The following ZNF697 variants were observed in gnomAD, a reference collection of about 807,000 sequenced individuals.
The protein encoded by ZNF697 is zinc finger protein 697.
A neutral mutation model predicts 32.4 loss-of-function variants in ZNF697; 23 were observed. The ratio of observed to expected loss-of-function variants is 0.71; its 90% confidence interval spans 0.51 to 1.01. The LOEUF (loss-of-function observed/expected upper bound fraction) is 1.01. ZNF697 is among the 50% of genes least tolerant of loss of function. ZNF697 has a pLI of 0.00. For synonymous variants in ZNF697, 418 were observed against 337.2 expected (o/e 1.24, Z -2.62); for missense variants, 930 against 794.0 (o/e 1.17, Z -2.06).
intron 1 of ZNF697, among the ~76,000 whole-genome samples, chr1:119,642,274 A>G (rs937258313): frequency 6.6e-6 from 1 of 152,238 alleles, no homozygotes; most frequent in African/African-American, 2.4e-5. Context: ...ACTATTCTGC[A>G]CTATACTATA....
chr1:119,625,692 G>C (rs1648557733), intron 2 of ZNF697, among the ~76,000 whole-genome samples, 183 bp downstream of exon 2: 1 of 152,132 alleles, frequency 6.6e-6, no homozygotes, highest in Non-Finnish European at 1.5e-5. Context: ...ACCTCAGACT[G>C]GGCTGAAAAA....
intron 1 of ZNF697, among the ~76,000 whole-genome samples, chr1:119,627,368 T>G (rs949680621): frequency 6.6e-6 from 1 of 152,180 alleles, no homozygotes; most frequent in African/African-American, 2.4e-5. Context: ...TCAGCCTCAC[T>G]AGAGAGCCCA....
chr1:119,630,062 T>C (rs959416644), intron 1 of ZNF697, among the ~76,000 whole-genome samples: 3 of 152,198 alleles, frequency 2.0e-5, no homozygotes, highest in Non-Finnish European at 4.4e-5. Context: ...TAAGAAGGAA[T>C]AGAAGTTTAA....
chr1:119,634,021 T>C (rs1386808420), intron 1 of ZNF697, among the ~76,000 whole-genome samples: 1 of 152,242 alleles, frequency 6.6e-6, no homozygotes, highest in Non-Finnish European at 1.5e-5. Flanking sequence ...AGGTTAAGAC[T>C]GCACCAGGGG....
At chr1:119,630,286 T>A (rs1648724519) in intron 1 of ZNF697, among the ~76,000 whole-genome samples, 1 of 152,242 alleles carries the variant, frequency 6.6e-6, no homozygotes, top group African/African-American at 2.4e-5. Flanking sequence ...GGTGAGTTGA[T>A]CCAGGAAGGC....
At position 119,619,560 on chromosome 1, in the gene ZNF697, C is replaced by A. The variant is rs907234387; in HGVS notation, c.*3145G>T. On this transcript the variant is annotated 3_prime_UTR_variant, in exon 3 of 3. Transcript: ENST00000421812. Reference sequence around the variant, plus strand: ...CGTATACAAGCACACTCACACGAAACCTGTTACTTTTAGGATCATTAAATT... The same window carrying A: ...CGTATACAAGCACACTCACACGAAAACTGTTACTTTTAGGATCATTAAATT... 1 of 152,736 alleles carries A rather than the reference C, an allele frequency of 6.5e-6. No homozygotes were observed. The highest frequency in any genetic ancestry group is 1.5e-5 in the Non-Finnish European group (1 of 68,034). 9.5% of individuals were successfully genotyped at this position (152,736 alleles called of 1,614,324 possible).
At position 119,623,054 on chromosome 1, in the gene ZNF697, G is replaced by C; in HGVS notation, c.1289C>G (p.Thr430Arg). ...VSSHLFTHKR[T>R]HSGERPYVCR... is the part of the protein sequence containing the mutation. ...CACGTAGGGCCGCTCACCCGAGTGC[G>C]TGCGCTTGTGCGTGAAGAGGTGCGA... The change falls in exon 3 of 3, where the codon ACG becomes AGG. Residue 430 changes from threonine to arginine, a missense_variant. Transcript: ENST00000421812. 6.3e-7 allele frequency: 1 copy of C among 1,585,042 alleles called. No individual in the cohort carries two copies. The highest frequency in any genetic ancestry group is 1.1e-5 in the South Asian group (1 of 87,330).
intron 1 of ZNF697, among the ~76,000 whole-genome samples, chr1:119,631,453 C>T (rs1161787050): frequency 1.3e-5 from 2 of 152,232 alleles, no homozygotes; most frequent in African/African-American, 4.8e-5. Flanking sequence ...TCCGCTGGCT[C>T]CTAGAAGGGA....
Position 119,623,230 on chromosome 1 carries a change from G to A in ZNF697, c.1113C>T (p.His371=), listed in dbSNP as rs1348512641. 1.3e-6 allele frequency: 2 copies of A among 1,573,092 alleles called. No individual in the cohort carries two copies. Among genetic ancestry groups the A allele is most frequent in the South Asian group, 1.1e-5 (1 of 87,538 alleles). Residue 371 remains histidine (H), a synonymous_variant, in exon 3 of 3, where the codon CAC becomes CAT. Transcript: ENST00000421812. ...GCTTCTCGCCCGTGTGGATGCGCTG[G>A]TGGTTGGCCAGGTGCGAACGGCGCA... ...GFVRRSHLAN[H]QRIHTGEKPH...
intron 1 of ZNF697, among the ~76,000 whole-genome samples, chr1:119,644,624 A>T (rs1008132154): frequency 2.1e-4 from 32 of 152,266 alleles, no homozygotes; most frequent in African/African-American, 7.5e-4. Context: ...CCTCATTTTT[A>T]GAATGGAGAT....
Position 119,623,848 on chromosome 1 carries a change from CCGGTGGAAGCGG to C in ZNF697, c.483_494del (p.Arg162_Arg165del). 6.5e-7 allele frequency: 1 copy of C among 1,543,002 alleles called. No homozygotes were observed. The highest frequency in any genetic ancestry group is 8.8e-7 in the Non-Finnish European group (1 of 1,141,900). On this transcript the variant is annotated inframe_deletion, in exon 3 of 3. Coordinates refer to ENST00000421812, the MANE Select transcript of ZNF697 (RefSeq NM_001080470.2). Reference sequence around the variant, plus strand: ...GGTCCACGGCCATGGGGTGGTGGAGCCGGTGGAAGCGGCGGTGGGCGGGCTTGTCACCTCGGT... The same window carrying C: ...GGTCCACGGCCATGGGGTGGTGGAGCCGGTGGGCGGGCTTGTCACCTCGGT...
At chr1:119,633,151 G>A (rs1648825779) in intron 1 of ZNF697, among the ~76,000 whole-genome samples, 1 of 152,216 alleles carries the variant, frequency 6.6e-6, no homozygotes, top group Non-Finnish European at 1.5e-5. Flanking sequence ...AGGCTAGAAA[G>A]GGAAAGTGAC....
Position 119,622,954 on chromosome 1 carries a change from CTTCTCG to C in ZNF697, c.1383_1388del (p.Glu462_Lys463del). On this transcript the variant is annotated inframe_deletion, in exon 3 of 3. Transcript: ENST00000421812. The stretch of plus-strand genomic sequence containing the variant: ...TCTCGCACTGGCCACAGCGGAAGGG[CTTCTCG>C]CCGGTGTGCACGCGCAGGTGGTTCA... 1 of 1,603,914 alleles carries C rather than the reference CTTCTCG, an allele frequency of 6.2e-7. No homozygotes were observed. Among genetic ancestry groups the C allele is most frequent in the Non-Finnish European group, 8.5e-7 (1 of 1,174,534 alleles).
intron 1 of ZNF697, among the ~76,000 whole-genome samples, chr1:119,640,239 G>C (rs1295620790): frequency 6.6e-6 from 1 of 152,056 alleles, no homozygotes; most frequent in African/African-American, 2.4e-5. Context: ...CCTTCAAATA[G>C]TTCTTGAAAT....
At chr1:119,627,886 A>G (rs1397571901) in intron 1 of ZNF697, among the ~76,000 whole-genome samples, 4 of 152,124 alleles carry the variant, frequency 2.6e-5, no homozygotes, top group Non-Finnish European at 5.9e-5. Flanking sequence ...CTCCATGACT[A>G]CTGACCCCAA....
intron 1 of ZNF697, among the ~76,000 whole-genome samples, chr1:119,628,956 G>T (rs142167156): frequency 1.3e-5 from 2 of 152,182 alleles, no homozygotes; most frequent in African/African-American, 4.8e-5. Context: ...CACTTTGGGG[G>T]CTTTGCAGCT....
intron 1 of ZNF697, among the ~76,000 whole-genome samples, chr1:119,634,554 C>T (rs1407905544): frequency 2.6e-5 from 4 of 152,202 alleles, no homozygotes; most frequent in Admixed American, 2.0e-4. Flanking sequence ...CATTTGCATA[C>T]ACTTAAAAAC....
intron 2 of ZNF697, 58 bp downstream of exon 2, chr1:119,625,817 G>A: frequency 6.3e-7 from 1 of 1,585,288 alleles, no homozygotes; most frequent in Non-Finnish European, 8.6e-7. Context: ...GATTCTAGAG[G>A]AGCTAGAAGT....
Position 119,625,466 on chromosome 1 carries a change from C to T in ZNF697, c.226+409G>A, listed in dbSNP as rs587709718. On this transcript the variant is annotated intron_variant, in intron 2 of 2. Coordinates refer to ENST00000421812, the MANE Select transcript of ZNF697 (RefSeq NM_001080470.2). ...ACTTATCTGCAAAGGGAGATGAGGA[C>T]GTAACTGTAAACATCTGGATACCTC... Among the ~76,000 whole-genome samples, 30 of 152,264 alleles carry T rather than the reference C, an allele frequency of 2.0e-4. No individual in the cohort carries two copies. The South Asian group carries it at 5.4e-3, about 27-fold the overall frequency.
Sources: allele counts gnomAD v4.1 joint callset (sites outside exome capture counted in the v4.1 genomes callset), GRCh38; gene constraint gnomAD v4.1.1; transcripts MANE v1.5; gene names NCBI Gene and HGNC (gene_info 2026-07-23, HGNC 2026-07-21).